ABCB5: variants seen among roughly 807,000 people sequenced by gnomAD.
ABCB5 encodes ATP binding cassette subfamily B member 5, also known as ATP-binding cassette sub-family B member 5.
Under a neutral mutation model 144.2 loss-of-function variants are expected in ABCB5, and 155 were observed. The ratio of observed to expected loss-of-function variants is 1.08; its 90% CI spans 0.94 to 1.23. The LOEUF (loss-of-function observed/expected upper bound fraction) is 1.23. Among genes scored for constraint, ABCB5 ranks in the 50% most tolerant of loss-of-function variants. The pLI is 0.00. For missense variants in ABCB5, 1,830 were observed against 1,520.8 expected, an observed-to-expected ratio of 1.20 and a Z score of -3.38; for synonymous variants, 610 against 528.6, an observed-to-expected ratio of 1.15 and a Z score of -2.11.
In ABCB5 at chr7:20,645,813, G is replaced by A. The variant is rs749580728; in HGVS notation, c.736G>A (p.Ala246Thr). 22 of 1,613,728 alleles carry A rather than the reference G, an allele frequency of 1.4e-5. No individual in the cohort carries two copies. The highest frequency in any genetic ancestry group is 1.8e-5 in the Non-Finnish European group (21 of 1,179,782). Residue 246 changes from alanine (A) to threonine (T), a missense_variant, in exon 8 of 28, where the codon GCA (alanine) becomes ACA (threonine). Coordinates refer to ENST00000404938, the MANE Select transcript of ABCB5 (RefSeq NM_001163941.2). ...TGCCTATTCCAAAGCTGGGGCTGTG[G>A]CAGAAGAAGTCTTGTCATCAATCCG... is the stretch of plus-strand genomic sequence containing the variant. ...LSAYSKAGAV[A>T]EEVLSSIRTV...
intron 26 of ABCB5, among the ~76,000 whole-genome samples, chr7:20,751,386 G>T (rs954263188): frequency 6.6e-6 from 1 of 152,168 alleles, no homozygotes; most frequent in Non-Finnish European, 1.5e-5. Context: ...CAGGAGAATG[G>T]CGTGAACCCG....
At chr7:20,642,874 A>G (rs1423548196) in intron 5 of ABCB5, among the ~76,000 whole-genome samples, 1 of 152,186 alleles carries the variant, frequency 6.6e-6, no homozygotes, top group Non-Finnish European at 1.5e-5. Flanking sequence ...AGTTCCACCT[A>G]CAATTACCTT....
At chr7:20,745,084 A>G (rs1782677310) in intron 25 of ABCB5, 148 bp from the exon 26 acceptor site, 6 of 808,898 alleles carry the variant, frequency 7.4e-6, no homozygotes, top group Non-Finnish European at 1.2e-5. Context: ...CGTATGATTT[A>G]TGAGCCTTCC....
At chr7:20,662,980 C>G (rs1025454788) in intron 14 of ABCB5, among the ~76,000 whole-genome samples, 1 of 152,190 alleles carries the variant, frequency 6.6e-6, no homozygotes, top group East Asian at 1.9e-4. Context: ...AACAGCTAAT[C>G]CTCACAAGAT....
chr7:20,725,354 G>C (rs1178541395), intron 21 of ABCB5, among the ~76,000 whole-genome samples: 1 of 152,260 alleles, frequency 6.6e-6, no homozygotes, highest in Non-Finnish European at 1.5e-5. Flanking sequence ...GCCGAGGCAG[G>C]TGGATCACAA....
At chr7:20,702,655 ATTTT>A (rs34454519) in intron 19 of ABCB5, among the ~76,000 whole-genome samples, 3 of 117,126 alleles carry the variant, frequency 2.6e-5, no homozygotes, top group Non-Finnish European at 5.0e-5. Context: ...CATATAATGG[ATTTT>A]TTTTTTTTTT....
intron 14 of ABCB5, among the ~76,000 whole-genome samples, chr7:20,678,653 T>C (rs1295135396): frequency 6.6e-6 from 1 of 151,982 alleles, no homozygotes; most frequent in African/African-American, 2.4e-5. Flanking sequence ...AAAAAACACA[T>C]TACCTCAAGA....
intron 15 of ABCB5, among the ~76,000 whole-genome samples, chr7:20,682,263 T>C (rs891032025): frequency 6.6e-6 from 1 of 152,090 alleles, no homozygotes; most frequent in Non-Finnish European, 1.5e-5. Flanking sequence ...TGATGTTTGG[T>C]TAGAACACAA....
Position 20,651,461 on chromosome 7 carries a change from G to T in ABCB5, c.1374G>T (p.Arg458=). The stretch of plus-strand genomic sequence containing the variant: ...ATGACATCAGAGCTTTAAATGTGCG[G>T]CATTATCGAGACCATATTGGAGTGG... ...DENDIRALNV[R]HYRDHIGVVS... The change falls in exon 13 of 28, where the codon CGG becomes CGT. Residue 458 remains arginine, a synonymous_variant. Transcript: ENST00000404938. The T allele has an allele frequency of 1.2e-6, 2 of 1,614,014 alleles. No individual in the cohort carries two copies. The highest frequency in any genetic ancestry group is 1.3e-5 in the African/African-American group (1 of 74,984).
rs1425749504 is a variant in ABCB5 at position 20,700,037 on chromosome 7, TTTTG to T, written c.2260-12_2260-9del. 2 of 1,610,820 alleles carry T rather than the reference TTTTG, an allele frequency of 1.2e-6. No homozygotes were observed. Among genetic ancestry groups the T allele is most frequent in the Non-Finnish European group, 1.7e-6 (2 of 1,178,134 alleles). On this transcript the variant is annotated splice_polypyrimidine_tract_variant and intron_variant, in intron 18 of 27. Transcript: ENST00000404938. ...TGTTACAAAGGAAAAGAACGTAGATTTTTGTTTGTTTGCTTTTCAGGGATTATTT... is the reference window on the plus strand; with the variant it reads ...TGTTACAAAGGAAAAGAACGTAGATTTTTGTTTGCTTTTCAGGGATTATTT...
At position 20,723,121 on chromosome 7, in the gene ABCB5, A is replaced by T; in HGVS notation, c.2527A>T (p.Ser843Cys). The T allele has an allele frequency of 6.2e-7, 1 of 1,614,162 alleles. No individual in the cohort carries two copies. The part of the protein sequence containing the change: ...YGWEMTFLIL[S>C]IAPVLAVTGM... ...ATGGGAGATGACATTCCTGATTCTG[A>T]GTATTGCTCCAGTACTTGCCGTGAC... The change falls in exon 21 of 28, where the codon AGT becomes TGT. Residue 843 changes from serine (S) to cysteine (C), a missense_variant. Ser to Cys is a moderately radical substitution (Grantham distance 112). Coordinates refer to ENST00000404938, the MANE Select transcript of ABCB5 (RefSeq NM_001163941.2).
At chr7:20,728,141 C>T (rs1460672785) in intron 22 of ABCB5, among the ~76,000 whole-genome samples, 174 bp from the exon 23 acceptor site, 2 of 129,680 alleles carry the variant, frequency 1.5e-5, no homozygotes, top group Non-Finnish European at 3.2e-5. Context: ...TGTCTTTTCT[C>T]AAAGAATTCT....
intron 14 of ABCB5, among the ~76,000 whole-genome samples, chr7:20,668,680 G>A (rs1353283610): frequency 2.7e-5 from 4 of 146,092 alleles, no homozygotes; most frequent in Admixed American, 2.0e-4. Flanking sequence ...GGGAAGTGAG[G>A]AGCCCCTCTG....
intron 7 of ABCB5, among the ~76,000 whole-genome samples, chr7:20,643,926 T>C (rs1263105994): frequency 1.3e-5 from 2 of 152,244 alleles, no homozygotes; most frequent in African/African-American, 4.8e-5. Context: ...GATGTCCTTA[T>C]ACATGTGATG....
At chr7:20,692,990 A>G (rs1165706737) in intron 16 of ABCB5, among the ~76,000 whole-genome samples, 1 of 152,240 alleles carries the variant, frequency 6.6e-6, no homozygotes, top group Non-Finnish European at 1.5e-5. Flanking sequence ...GCAGAAACAT[A>G]GATGACTTTA....
intron 15 of ABCB5, among the ~76,000 whole-genome samples, chr7:20,683,176 C>G (rs1785882737): frequency 6.6e-6 from 1 of 152,132 alleles, no homozygotes; most frequent in Non-Finnish European, 1.5e-5. Flanking sequence ...CAAACCCTAA[C>G]TTTCTCCATT....
At chr7:20,670,801 T>C (rs190687046) in intron 14 of ABCB5, among the ~76,000 whole-genome samples, 1,688 of 152,118 alleles carry the variant, frequency 0.011, 28 homozygotes, top group South Asian at 0.045. Context: ...CCCAGCTACT[T>C]GGGAGGCTGA....
chr7:20,643,205 A>C lies in ABCB5; in HGVS notation c.336A>C (p.Gly112=), dbSNP rs1202515777. Residue 112 remains glycine, a synonymous_variant, in exon 6 of 28, where the codon GGA becomes GGC. Transcript: ENST00000404938. ...DMTLLTLYYV[G]IGVAALIFGY... ...TCAGGTTGACCCTGTATTATGTTGGAATAGGTGTTGCTGCCTTGATTTTTG... is the reference window on the plus strand; with the variant it reads ...TCAGGTTGACCCTGTATTATGTTGGCATAGGTGTTGCTGCCTTGATTTTTG... The C allele has an allele frequency of 6.8e-6, 11 of 1,612,028 alleles. No individual in the cohort carries two copies. In the Middle Eastern group the frequency reaches 4.9e-4, roughly 72 times the overall value.
At chr7:20,646,470 T>C (rs1784413324) in intron 9 of ABCB5, among the ~76,000 whole-genome samples, 1 of 152,194 alleles carries the variant, frequency 6.6e-6, no homozygotes, top group African/African-American at 2.4e-5. Context: ...TCCTTTCATC[T>C]GGGCTGAGAT....
Sources: gnomAD v4.1 joint callset for allele counts (sites outside exome capture counted in the v4.1 genomes callset) on GRCh38, gnomAD v4.1.1 for gene constraint, MANE v1.5 for transcripts, NCBI Gene and HGNC (gene_info 2026-07-23, HGNC 2026-07-21) for gene names.